The following MED21 variants were observed in gnomAD, a reference collection of about 807,000 sequenced individuals.
MED21 encodes mediator of RNA polymerase II transcription subunit 21.
A neutral mutation model predicts 18.2 loss-of-function variants in MED21; 9 were observed. That is an observed-to-expected ratio of 0.49 (90% CI 0.30 to 0.86). MED21 has a LOEUF of 0.86. Ranked by LOEUF, MED21 falls within the 40% of genes least tolerant of loss-of-function variation. The probability of loss-of-function intolerance (pLI) is 0.07; values close to 1 mark genes in which losing one functional copy is unlikely to be tolerated. For missense variants in MED21, 150 were observed against 170.9 expected (o/e 0.88, Z 0.68); for synonymous variants, 73 against 60.5 (o/e 1.21, Z -0.96).
chr12:27,027,519 C>A (rs2136486869), intron 3 of MED21, 72 bp downstream of exon 3: 1 of 1,085,220 alleles, frequency 9.2e-7, no homozygotes, highest in Non-Finnish European at 1.4e-6. Context: ...GATTTAGTAC[C>A]TTTTGTCTGT....
chr12:27,023,300 C>CTTTTTTTTTTTTTTTTT lies in MED21; in HGVS notation c.42+680_42+696dup, dbSNP rs71437317. 2.0e-3 allele frequency among the ~76,000 whole-genome samples: 218 copies of CTTTTTTTTTTTTTTTTT among 110,306 alleles called. 1 individual carries two copies. Among genetic ancestry groups the CTTTTTTTTTTTTTTTTT allele is most frequent in the East Asian group, 3.9e-3 (14 of 3,612 alleles). 72.4% of individuals were successfully genotyped at this position (110,306 alleles called of 152,430 possible). A position where few individuals can be genotyped will look rare whatever the true frequency, so the allele number is the denominator to read the frequency against. ...CGCTTATTTGAGTCTTTTTTCTTTT[C>CTTTTTTTTTTTTTTTTT]TTTTTTTTTTTTTTTTTACTTTGGA... On this transcript the variant is annotated intron_variant, in intron 1 of 3. Coordinates refer to ENST00000282892, the MANE Select transcript of MED21 (RefSeq NM_004264.5).
At position 27,029,060 on chromosome 12, in the gene MED21, C is replaced by T. The variant is rs1171475948; in HGVS notation, c.*599C>T. The T allele has an allele frequency of 2.4e-5, 24 of 985,286 alleles. No individual in the cohort carries two copies. Among genetic ancestry groups the T allele is most frequent in the African/African-American group, 5.2e-5 (3 of 57,242 alleles). The allele number at this position is 985,286 out of a possible 1,614,324, so 61.0% of individuals were successfully genotyped here. On this transcript the variant is annotated 3_prime_UTR_variant, in exon 4 of 4. Transcript: ENST00000282892. Reference sequence around the variant, plus strand: ...CTCCACGTTTATTTTACCAAGAGATCCTCTGTCAAGAGAATTTCCTGGCTG... The same window carrying T: ...CTCCACGTTTATTTTACCAAGAGATTCTCTGTCAAGAGAATTTCCTGGCTG...
At position 27,030,413 on chromosome 12, in the gene MED21, G is replaced by T. The variant is rs901038589; in HGVS notation, c.*1952G>T. The stretch of plus-strand genomic sequence containing the variant: ...GTAGACTATAAGAAATTAAGTATTT[G>T]TATCATCCCTAGAGCGACACAGATT... On this transcript the variant is annotated 3_prime_UTR_variant, in exon 4 of 4. Coordinates refer to ENST00000282892, the MANE Select transcript of MED21 (RefSeq NM_004264.5). 2 of 387,822 alleles carry T rather than the reference G, an allele frequency of 5.2e-6. No individual in the cohort carries two copies. Among genetic ancestry groups the T allele is most frequent in the African/African-American group, 4.2e-5 (2 of 48,178 alleles). The allele number at this position is 387,822 out of a possible 1,614,324, so 24.0% of individuals were successfully genotyped here.
Position 27,022,571 on chromosome 12 carries a change from G to C in MED21, c.-9G>C. On this transcript the variant is annotated 5_prime_UTR_variant, in exon 1 of 4. Coordinates refer to ENST00000282892, the MANE Select transcript of MED21 (RefSeq NM_004264.5). ...AGCTGTTTTGGCGTCTGTTTGCTGC[G>C]GTAGGAACATGGCGGATCGGCTCAC... is the stretch of plus-strand genomic sequence containing the variant. The C allele has an allele frequency of 6.5e-7, 1 of 1,544,922 alleles. No homozygotes were observed.
chr12:27,023,323 G>C, intron 1 of MED21, among the ~76,000 whole-genome samples: 1 of 16,020 alleles, frequency 6.2e-5, no homozygotes, highest in African/African-American at 2.4e-4. Context: ...TTTTTACTTT[G>C]GAGACAGTGC....
rs1034236199 is a variant in MED21, at chr12:27,029,114, C to G, written c.*653C>G. ...TGAAAGAATTTTTCTACATCCTGAACTATTTTTCCTATTTCTTTTCACCTT... is the reference window on the plus strand; with the variant it reads ...TGAAAGAATTTTTCTACATCCTGAAGTATTTTTCCTATTTCTTTTCACCTT... On this transcript the variant is annotated 3_prime_UTR_variant, in exon 4 of 4. Transcript: ENST00000282892. The G allele has an allele frequency of 5.1e-6, 5 of 985,278 alleles. No homozygotes were observed. The highest frequency in any genetic ancestry group is 3.6e-6 in the Non-Finnish European group (3 of 829,934). The allele number at this position is 985,278 out of a possible 1,614,324, so 61.0% of individuals were successfully genotyped here.
chr12:27,025,376 T>G (rs1941529953), intron 1 of MED21, among the ~76,000 whole-genome samples: 1 of 152,220 alleles, frequency 6.6e-6, no homozygotes, highest in Non-Finnish European at 1.5e-5. Context: ...TGACTTAGAT[T>G]ATTGAAAGCT....
chr12:27,038,681 A>G (rs1270393729), intron 2 of MED21: 3 of 152,280 alleles, frequency 2.0e-5, no homozygotes, highest in African/African-American at 4.8e-5. Flanking sequence ...TCACACAGAC[A>G]TGAAAAGTTG....
rs1941606941 is a variant in MED21 at position 27,030,530 on chromosome 12, A to C, written c.*2069A>C. 1 of 240,130 alleles carries C rather than the reference A, an allele frequency of 4.2e-6. No individual in the cohort carries two copies. Among genetic ancestry groups the C allele is most frequent in the Non-Finnish European group, 7.9e-6 (1 of 126,578 alleles). 14.9% of individuals were successfully genotyped at this position (240,130 alleles called of 1,614,324 possible). Reference sequence around the variant, plus strand: ...TTCAGGTAACCCAGGAACGAGAAACAGAATAAAACAATAGTAAACCTAAAT... The same window carrying C: ...TTCAGGTAACCCAGGAACGAGAAACCGAATAAAACAATAGTAAACCTAAAT... On this transcript the variant is annotated 3_prime_UTR_variant, in exon 4 of 4. Transcript: ENST00000282892.
intron 1 of MED21, among the ~76,000 whole-genome samples, chr12:27,025,729 TA>T (rs1941535628): frequency 3.3e-5 from 5 of 152,174 alleles, no homozygotes; most frequent in South Asian, 4.1e-4. Flanking sequence ...TGGAAATACT[TA>T]TTAGAAATAG....
intron 1 of MED21, among the ~76,000 whole-genome samples, chr12:27,023,301 T>TTTTTC (rs1555110755): frequency 1.3e-3 from 7 of 5,402 alleles, no homozygotes; most frequent in Non-Finnish European, 4.0e-3. Flanking sequence ...TTTTCTTTTC[T>TTTTTC]TTTTTTTTTT....
chr12:27,025,610 T>A (rs2136484159), intron 1 of MED21, among the ~76,000 whole-genome samples: 1 of 152,258 alleles, frequency 6.6e-6, no homozygotes. Flanking sequence ...AAAGTAAGAA[T>A]CTGAAGTTAG....
At chr12:27,036,482 C>T (rs547351347) in intron 2 of MED21, among the ~76,000 whole-genome samples, 101 of 152,280 alleles carry the variant, frequency 6.6e-4, no homozygotes, top group Middle Eastern at 3.4e-3. Flanking sequence ...ATTGCCATTG[C>T]TTTTGGTGTT....
rs202038676 is a variant in MED21 at position 27,026,542 on chromosome 12, G to C, written c.157+8G>C. On this transcript the variant is annotated splice_region_variant and intron_variant, in intron 2 of 3. Transcript: ENST00000282892. The stretch of plus-strand genomic sequence containing the variant: ...CAGCTAACCCTACAGAAGGTAAACA[G>C]GTTTTCTTAGCTTCTCTTAGTTTGA... 2.2e-5 allele frequency: 34 copies of C among 1,569,406 alleles called. No individual in the cohort carries two copies. In the East Asian group the frequency reaches 6.7e-4, roughly 31 times the overall value.
chr12:27,027,272 G>T (rs974173804), intron 2 of MED21, 75 bp from the exon 3 acceptor site: 9 of 1,013,320 alleles, frequency 8.9e-6, no homozygotes, highest in Non-Finnish European at 1.4e-5. Flanking sequence ...GAAGTTTCTG[G>T]TTTCATTAAC....
At chr12:27,034,336 C>T (rs919565505), downstream of MED21, among the ~76,000 whole-genome samples, 6 of 152,022 alleles carry the variant, frequency 3.9e-5, no homozygotes, top group East Asian at 7.7e-4. Context: ...GCAGGAGAAT[C>T]GGTACAGCCT....
chr12:27,036,570 A>C (rs1393534590), intron 2 of MED21, among the ~76,000 whole-genome samples: 1 of 152,162 alleles, frequency 6.6e-6, no homozygotes, highest in Non-Finnish European at 1.5e-5. Context: ...TTATGGTTTT[A>C]GGTCTAACGT....
chr12:27,025,621 A>G (rs1941534143), intron 1 of MED21, among the ~76,000 whole-genome samples: 2 of 152,180 alleles, frequency 1.3e-5, no homozygotes, highest in Admixed American at 1.3e-4. Context: ...CTGAAGTTAG[A>G]TTGGTTGACT....
At position 27,030,122 on chromosome 12, in the gene MED21, G is replaced by GTT. The variant is rs144222775; in HGVS notation, c.*1669_*1670dup. On this transcript the variant is annotated 3_prime_UTR_variant, in exon 4 of 4. Transcript: ENST00000282892. Reference sequence around the variant, plus strand: ...TGTGATTCTCTGTAGAGGATATACAGTTTTTTTTTGTTGTTCTTGTTTCTG... The same window carrying GTT: ...TGTGATTCTCTGTAGAGGATATACAGTTTTTTTTTTTGTTGTTCTTGTTTCTG... 57,695 of 601,732 alleles carry GTT rather than the reference G, an allele frequency of 0.096. 1,348 individuals are homozygous for GTT. The highest frequency in any genetic ancestry group is 0.12 in the Non-Finnish European group (39,668 of 330,698). The allele number at this position is 601,732 out of a possible 1,614,324, so 37.3% of individuals were successfully genotyped here.
Sources: allele counts gnomAD v4.1 joint callset (sites outside exome capture counted in the v4.1 genomes callset), GRCh38; gene constraint gnomAD v4.1.1; transcripts MANE v1.5; gene names NCBI Gene and HGNC (gene_info 2026-07-23, HGNC 2026-07-21).